Variants in PTPRM observed in about 807,000 individuals in gnomAD.
The protein encoded by PTPRM is receptor-type tyrosine-protein phosphatase mu.
A neutral mutation model predicts 186.7 loss-of-function variants in PTPRM; 47 were observed. That is an observed-to-expected ratio of 0.25 (90% CI 0.20 to 0.32). The LOEUF is 0.32. PTPRM is among the 10% of genes least tolerant of loss of function. The probability of loss-of-function intolerance (pLI) is 1.00; values close to 1 mark genes in which losing one functional copy is unlikely to be tolerated. For missense variants in PTPRM, 1,494 were observed against 1,865.0 expected (o/e 0.80, Z 3.66); for synonymous variants, 668 against 674.9 (o/e 0.99, Z 0.16).
chr18:7,655,437 C>G (rs1183054401), intron 1 of PTPRM, among the ~76,000 whole-genome samples: 1 of 152,304 alleles, frequency 6.6e-6, no homozygotes, highest in African/African-American at 2.4e-5. Flanking sequence ...CAAGAAGGAC[C>G]TTCATTCATT....
intron 17 of PTPRM, among the ~76,000 whole-genome samples, chr18:8,249,426 C>G (rs1382781803): frequency 6.6e-6 from 1 of 152,082 alleles, no homozygotes; most frequent in African/African-American, 2.4e-5. Flanking sequence ...CTTTTAATAC[C>G]AATTAAAAGG....
chr18:7,825,842 G>A (rs766565777), intron 2 of PTPRM, among the ~76,000 whole-genome samples: 8 of 152,188 alleles, frequency 5.3e-5, no homozygotes, highest in South Asian at 2.1e-4. Context: ...AATTCCTGAC[G>A]TCTTGAAGCT....
chr18:8,085,095 A>G (rs1427934226), intron 9 of PTPRM, among the ~76,000 whole-genome samples: 1 of 152,116 alleles, frequency 6.6e-6, no homozygotes, highest in African/African-American at 2.4e-5. Flanking sequence ...AGAAAGTTCT[A>G]TTGGAAGACA....
At chr18:8,169,802 A>G (rs960610598) in intron 14 of PTPRM, among the ~76,000 whole-genome samples, 2 of 152,058 alleles carry the variant, frequency 1.3e-5, no homozygotes, top group African/African-American at 4.8e-5. Flanking sequence ...TTTTTTTCTT[A>G]ATGTTGGGTC....
chr18:7,875,834 A>AT (rs914211157), intron 2 of PTPRM, among the ~76,000 whole-genome samples: 4 of 151,998 alleles, frequency 2.6e-5, no homozygotes, highest in African/African-American at 7.2e-5. Flanking sequence ...TCGTCAGGCG[A>AT]TTTTTTTTCA....
At chr18:8,282,860 A>G (rs1254856144) in intron 19 of PTPRM, among the ~76,000 whole-genome samples, 1 of 152,228 alleles carries the variant, frequency 6.6e-6, no homozygotes, top group Non-Finnish European at 1.5e-5. Flanking sequence ...ATGACTAGAC[A>G]AACTCTAGTA....
intron 1 of PTPRM, chr18:7,747,649 C>T (rs1017298302): frequency 1.3e-5 from 2 of 152,196 alleles, no homozygotes; most frequent in Non-Finnish European, 2.9e-5. Context: ...ATATGGCATT[C>T]TTGTTCTCCC....
intron 14 of PTPRM, among the ~76,000 whole-genome samples, chr18:8,200,310 G>C (rs1195474522): frequency 2.0e-5 from 3 of 152,106 alleles, no homozygotes; most frequent in Non-Finnish European, 4.4e-5. Context: ...TGGAGGTGGG[G>C]AGGGAGCTGG....
intron 5 of PTPRM, among the ~76,000 whole-genome samples, chr18:7,938,811 T>G (rs1468991387): frequency 2.0e-5 from 3 of 152,214 alleles, no homozygotes; most frequent in Non-Finnish European, 4.4e-5. Context: ...TAATAGGATA[T>G]AACTTTGGAT....
At chr18:8,095,039 G>A (rs2090946056) in intron 11 of PTPRM, among the ~76,000 whole-genome samples, 1 of 152,090 alleles carries the variant, frequency 6.6e-6, no homozygotes, top group Non-Finnish European at 1.5e-5. Context: ...GCTAGGATTG[G>A]ATTTGTTAAA....
At chr18:8,259,002 G>A (rs550866056) in intron 19 of PTPRM, among the ~76,000 whole-genome samples, 1 of 152,260 alleles carries the variant, frequency 6.6e-6, no homozygotes, top group South Asian at 2.1e-4. Context: ...CCAGGCTGGA[G>A]TGCAGTTGCA....
At chr18:7,806,424 TAAACAC>T (rs2077538789) in intron 2 of PTPRM, among the ~76,000 whole-genome samples, 1 of 151,986 alleles carries the variant, frequency 6.6e-6, no homozygotes, top group Admixed American at 6.6e-5. Context: ...TTACAGATAA[TAAACAC>T]TAAAGGACCA....
chr18:7,676,663 ATG>A (rs765723760), intron 1 of PTPRM, among the ~76,000 whole-genome samples: 4,827 of 102,950 alleles, frequency 0.047, 179 homozygotes, highest in African/African-American at 0.13. Flanking sequence ...GTGTGTGTGT[ATG>A]TGTGTGTGTG....
intron 1 of PTPRM, among the ~76,000 whole-genome samples, chr18:7,767,464 C>T (rs946461882): frequency 1.3e-5 from 2 of 152,034 alleles, no homozygotes; most frequent in Admixed American, 1.3e-4. Flanking sequence ...GTTTTGTCTC[C>T]AGGCCTGAAG....
chr18:7,636,544 A>G (rs1039414164), intron 1 of PTPRM, among the ~76,000 whole-genome samples: 1 of 152,122 alleles, frequency 6.6e-6, no homozygotes, highest in African/African-American at 2.4e-5. Context: ...CCATTGGACA[A>G]GTGGGGCTAA....
chr18:7,886,317 T>G (rs1043692620), intron 2 of PTPRM, among the ~76,000 whole-genome samples: 28 of 152,338 alleles, frequency 1.8e-4, no homozygotes, highest in African/African-American at 6.5e-4. Context: ...TTGTAAACAG[T>G]AACTAACCTG....
chr18:8,279,968 A>G (rs1277470526), intron 19 of PTPRM, among the ~76,000 whole-genome samples: 1 of 152,192 alleles, frequency 6.6e-6, no homozygotes, highest in Non-Finnish European at 1.5e-5. Context: ...CCCATTTTAA[A>G]TTCATATGTT....
chr18:7,738,153 A>G (rs1328436195), intron 1 of PTPRM, among the ~76,000 whole-genome samples: 2 of 152,206 alleles, frequency 1.3e-5, no homozygotes, highest in Non-Finnish European at 2.9e-5. Context: ...TGATTTTTAA[A>G]TCATTATAAC....
intron 2 of PTPRM, among the ~76,000 whole-genome samples, chr18:7,824,483 AGATC>A (rs1172619557): frequency 6.6e-6 from 1 of 152,144 alleles, no homozygotes; most frequent in Non-Finnish European, 1.5e-5. Flanking sequence ...TTGTAAGAAG[AGATC>A]TTTTAGCATT....
Sources: gnomAD v4.1 joint callset for allele counts (sites outside exome capture counted in the v4.1 genomes callset) on GRCh38, gnomAD v4.1.1 for gene constraint, MANE v1.5 for transcripts, NCBI Gene and HGNC (gene_info 2026-07-23, HGNC 2026-07-21) for gene names.